DTWD2: variants seen among roughly 807,000 people sequenced by gnomAD.
The protein encoded by DTWD2 is tRNA-uridine aminocarboxypropyltransferase 2.
DTWD2 carries 39 observed loss-of-function variants against 31.8 expected under a neutral mutation model. That is an observed-to-expected ratio of 1.22 (90% CI 0.95 to 1.60). DTWD2 has a LOEUF of 1.60. Among genes scored for constraint, DTWD2 ranks in the 40% most tolerant of loss-of-function variants. The pLI, the probability that DTWD2 is intolerant of heterozygous loss-of-function variation, is 0.00. For synonymous variants in DTWD2, 180 were observed against 142.8 expected, an observed-to-expected ratio of 1.26 and a Z score of -1.86; for missense variants, 515 against 381.5, an observed-to-expected ratio of 1.35 and a Z score of -2.92.
intron 4 of DTWD2, among the ~76,000 whole-genome samples, chr5:118,876,109 G>A (rs182306511): frequency 3.3e-5 from 5 of 152,128 alleles, no homozygotes; most frequent in Admixed American, 3.3e-4. Flanking sequence ...ATGACTTTTG[G>A]GTAAATAATG....
intron 4 of DTWD2, among the ~76,000 whole-genome samples, chr5:118,898,115 T>C (rs1753121666): frequency 1.3e-5 from 2 of 152,226 alleles, no homozygotes; most frequent in African/African-American, 4.8e-5. Flanking sequence ...TCCACCTGCC[T>C]TGACCTCCCA....
intron 4 of DTWD2, among the ~76,000 whole-genome samples, chr5:118,913,430 T>C (rs1039048597): frequency 7.6e-6 from 1 of 131,112 alleles, no homozygotes; most frequent in African/African-American, 2.7e-5. Context: ...GATATATATA[T>C]ATACACACAC....
intron 3 of DTWD2, among the ~76,000 whole-genome samples, chr5:118,930,795 AAC>A (rs1753905904): frequency 6.6e-6 from 1 of 152,098 alleles, no homozygotes; most frequent in African/African-American, 2.4e-5. Context: ...AAATATGGAT[AAC>A]AAATAGGAAA....
At chr5:118,903,920 A>G (rs1466241246) in intron 4 of DTWD2, among the ~76,000 whole-genome samples, 2 of 152,048 alleles carry the variant, frequency 1.3e-5, no homozygotes, top group Admixed American at 6.5e-5. Context: ...AGAATTTTAC[A>G]TATATATTAG....
intron 4 of DTWD2, among the ~76,000 whole-genome samples, chr5:118,866,714 C>T (rs986051664): frequency 2.1e-4 from 32 of 151,960 alleles, no homozygotes; most frequent in African/African-American, 7.5e-4. Flanking sequence ...GTCAGGAGTT[C>T]GAGACCAGCC....
At chr5:118,897,365 T>C (rs1210698206) in intron 4 of DTWD2, among the ~76,000 whole-genome samples, 2 of 152,248 alleles carry the variant, frequency 1.3e-5, no homozygotes, top group Non-Finnish European at 2.9e-5. Context: ...TGAGGTTTAC[T>C]GGAGGTTAGT....
At chr5:118,906,440 C>T (rs1010954751) in intron 4 of DTWD2, among the ~76,000 whole-genome samples, 3 of 152,056 alleles carry the variant, frequency 2.0e-5, no homozygotes, top group African/African-American at 7.2e-5. Flanking sequence ...AAACAGAAAA[C>T]AACCCAAATG....
chr5:118,952,454 G>C (rs1039096471), intron 1 of DTWD2, among the ~76,000 whole-genome samples: 1 of 152,132 alleles, frequency 6.6e-6, no homozygotes, highest in Non-Finnish European at 1.5e-5. Flanking sequence ...AGTCAAAGGG[G>C]TTGTTCTCCG....
chr5:118,889,103 A>G (rs1752926449), intron 4 of DTWD2, among the ~76,000 whole-genome samples: 1 of 152,194 alleles, frequency 6.6e-6, no homozygotes, highest in Non-Finnish European at 1.5e-5. Flanking sequence ...AATTTTAATG[A>G]AAGTCCAAGT....
chr5:118,896,919 C>A (rs938884221), intron 4 of DTWD2, among the ~76,000 whole-genome samples: 4 of 152,170 alleles, frequency 2.6e-5, no homozygotes, highest in African/African-American at 9.7e-5. Flanking sequence ...TCTTGCCCAG[C>A]CTAACCATTA....
intron 4 of DTWD2, among the ~76,000 whole-genome samples, chr5:118,874,783 C>T (rs1352583336): frequency 6.6e-6 from 1 of 150,778 alleles, no homozygotes; most frequent in Non-Finnish European, 1.5e-5. Flanking sequence ...ACTTGGAAAA[C>T]ATATTTCAGG....
At chr5:118,937,866 A>G (rs1343197017) in intron 3 of DTWD2, among the ~76,000 whole-genome samples, 1 of 151,750 alleles carries the variant, frequency 6.6e-6, no homozygotes, top group Non-Finnish European at 1.5e-5. Context: ...CCTTTCATGC[A>G]TTTTGGCTTC....
intron 4 of DTWD2, among the ~76,000 whole-genome samples, chr5:118,892,226 G>C (rs1752990680): frequency 6.6e-6 from 1 of 151,990 alleles, no homozygotes; most frequent in Non-Finnish European, 1.5e-5. Flanking sequence ...ATCAAATACA[G>C]TTGAAAAAAG....
intron 1 of DTWD2, chr5:118,974,812 A>C (rs1755110034): frequency 1.3e-5 from 5 of 388,746 alleles, no homozygotes; most frequent in South Asian, 4.2e-5. Context: ...GTTCTAACAA[A>C]AAAAAAAATT....
At chr5:118,971,770 CAAAT>C (rs1754993328) in intron 1 of DTWD2, among the ~76,000 whole-genome samples, 1 of 152,260 alleles carries the variant, frequency 6.6e-6, no homozygotes, top group East Asian at 1.9e-4. Flanking sequence ...GAAATGATAA[CAAAT>C]AGTCTCTCAG....
intron 1 of DTWD2, among the ~76,000 whole-genome samples, chr5:118,957,073 C>A (rs1214728133): frequency 6.6e-6 from 1 of 152,120 alleles, no homozygotes; most frequent in Non-Finnish European, 1.5e-5. Context: ...ATCTCCAAAA[C>A]AGAAGTAGAT....
chr5:118,862,460 T>C (rs1040692265), intron 4 of DTWD2, among the ~76,000 whole-genome samples: 18 of 152,168 alleles, frequency 1.2e-4, no homozygotes. Flanking sequence ...TGAGAAGGTA[T>C]CAAGGCAGCT....
chr5:118,950,660 C>T (rs1310766547), intron 1 of DTWD2, among the ~76,000 whole-genome samples: 1 of 152,174 alleles, frequency 6.6e-6, no homozygotes, highest in Non-Finnish European at 1.5e-5. Flanking sequence ...GCCAGATTTC[C>T]AGCACTTGAA....
At chr5:118,867,943 A>C (rs539640483) in intron 4 of DTWD2, among the ~76,000 whole-genome samples, 10 of 152,340 alleles carry the variant, frequency 6.6e-5, no homozygotes, top group African/African-American at 2.2e-4. Context: ...TTCATATGAA[A>C]TCTCAATAAA....
Sources: allele counts gnomAD v4.1 joint callset (sites outside exome capture counted in the v4.1 genomes callset), GRCh38; gene constraint gnomAD v4.1.1; transcripts MANE v1.5; gene names NCBI Gene and HGNC (gene_info 2026-07-23, HGNC 2026-07-21).